RREB1: variants seen among roughly 807,000 people sequenced by gnomAD.
The protein encoded by RREB1 is ras-responsive element-binding protein 1.
RREB1 carries 27 observed loss-of-function variants against 117.8 expected under a neutral mutation model. The ratio of observed to expected loss-of-function variants is 0.23; its 90% CI spans 0.17 to 0.32. The LOEUF (loss-of-function observed/expected upper bound fraction) is 0.32, where lower values mean the gene tolerates loss of function less well. Ranked by LOEUF, RREB1 falls within the 10% of genes least tolerant of loss-of-function variation. RREB1 has a pLI of 1.00. For missense variants in RREB1, 2,577 were observed against 2,378.2 expected (o/e 1.08, Z -1.74); for synonymous variants, 1,298 against 1,026.7 (o/e 1.26, Z -5.05).
intron 6 of RREB1, among the ~76,000 whole-genome samples, chr6:7,206,994 G>A (rs1561780747): frequency 6.6e-6 from 1 of 152,206 alleles, no homozygotes; most frequent in Non-Finnish European, 1.5e-5. Flanking sequence ...GACTGTCAGA[G>A]GAATTTAAGC....
intron 1 of RREB1, among the ~76,000 whole-genome samples, chr6:7,120,502 T>C (rs113631164): frequency 8.2e-4 from 125 of 152,296 alleles, no homozygotes; most frequent in African/African-American, 2.7e-3. Flanking sequence ...ACAGTACTTA[T>C]GTAACAGTGA....
chr6:7,177,923 A>G (rs1365890252), intron 2 of RREB1, among the ~76,000 whole-genome samples: 1 of 152,102 alleles, frequency 6.6e-6, no homozygotes, highest in African/African-American at 2.4e-5. Flanking sequence ...GGGTTTTGCC[A>G]TGTTAGCCAG....
chr6:7,110,479 G>GGGGTGTGTGTGTGT (rs1554114031), intron 1 of RREB1, among the ~76,000 whole-genome samples: 4 of 149,520 alleles, frequency 2.7e-5, no homozygotes, highest in Non-Finnish European at 5.9e-5. Context: ...TTTTAGGGGT[G>GGGGTGTGTGTGTGT]GTGTGTGTGT....
intron 1 of RREB1, among the ~76,000 whole-genome samples, chr6:7,153,808 G>T (rs1000400115): frequency 1.3e-5 from 2 of 152,214 alleles, no homozygotes; most frequent in African/African-American, 4.8e-5. Context: ...TTGCTTGTTG[G>T]TGTAGAATCC....
chr6:7,113,067 T>G (rs1003164317), intron 1 of RREB1, among the ~76,000 whole-genome samples: 6 of 151,724 alleles, frequency 4.0e-5, no homozygotes, highest in African/African-American at 1.5e-4. Context: ...TGGGAGAGGG[T>G]GGAGATTGTT....
intron 9 of RREB1, among the ~76,000 whole-genome samples, chr6:7,227,375 C>A (rs1470744166): frequency 6.7e-6 from 1 of 150,038 alleles, no homozygotes; most frequent in East Asian, 2.0e-4. Flanking sequence ...ACCCTGTCTA[C>A]ACTAAAAATA....
chr6:7,200,216 GTGTA>G (rs1765879020), intron 6 of RREB1, among the ~76,000 whole-genome samples: 1 of 148,322 alleles, frequency 6.7e-6, no homozygotes, highest in African/African-American at 2.5e-5. Context: ...ATGTATGTGT[GTGTA>G]TATATATATA....
chr6:7,230,106 G>A lies in RREB1; in HGVS notation c.2007G>A (p.Ser669=), dbSNP rs748443845. ...ACGTGCGCTCCCACCTGGGCATCTC[G>A]CCATACCAGTGCAACATCTGCGACT... is the stretch of plus-strand genomic sequence containing the variant. The part of the protein sequence containing the change: ...RAHVRSHLGI[S]PYQCNICDYI... Residue 669 remains serine, a synonymous_variant, in exon 10 of 13, where the codon TCG becomes TCA. Coordinates refer to ENST00000379938, the MANE Select transcript of RREB1 (RefSeq NM_001003699.4). The A allele has an allele frequency of 6.2e-7, 1 of 1,604,408 alleles. No homozygotes were observed. The highest frequency in any genetic ancestry group is 1.3e-5 in the African/African-American group (1 of 74,930).
chr6:7,207,930 C>T (rs1409131157), intron 6 of RREB1, among the ~76,000 whole-genome samples: 1 of 152,094 alleles, frequency 6.6e-6, no homozygotes, highest in Admixed American at 6.5e-5. Flanking sequence ...TTAGAACAGC[C>T]AGTGAAAATG....
At chr6:7,146,262 C>T (rs524056) in intron 1 of RREB1, among the ~76,000 whole-genome samples, 227 of 152,266 alleles carry the variant, frequency 1.5e-3, no homozygotes, top group African/African-American at 5.1e-3. Context: ...CTGTGGCCCG[C>T]TTACCATGCC....
intron 1 of RREB1, among the ~76,000 whole-genome samples, chr6:7,108,333 C>T (rs1173754147): frequency 6.6e-5 from 10 of 151,684 alleles, no homozygotes; most frequent in African/African-American, 1.2e-4. Flanking sequence ...TCCTCCTCCT[C>T]CTCCTCCCCT....
At chr6:7,206,689 T>C (rs1018424820) in intron 6 of RREB1, among the ~76,000 whole-genome samples, 1 of 152,096 alleles carries the variant, frequency 6.6e-6, no homozygotes, top group Non-Finnish European at 1.5e-5. Flanking sequence ...GAATTGTGGG[T>C]GTAAGAGCAT....
chr6:7,229,113 T>A lies in RREB1; in HGVS notation c.1014T>A (p.His338Gln), dbSNP rs2714315. 6.2e-7 allele frequency: 1 copy of A among 1,606,860 alleles called. No homozygotes were observed. Among genetic ancestry groups the A allele is most frequent in the South Asian group, 1.1e-5 (1 of 90,832 alleles). The change falls in exon 10 of 13, where the codon CAT (histidine) becomes CAA (glutamine). Residue 338 changes from histidine to glutamine, a missense_variant. Coordinates refer to ENST00000379938, the MANE Select transcript of RREB1 (RefSeq NM_001003699.4). The surrounding 1 kb of genome is among the most constrained non-coding windows in gnomAD (Gnocchi z 4.5). The stretch of plus-strand genomic sequence containing the variant: ...CACTGGCTCTGCACAAGCAGACCCA[T>A]GTGGCGGCAGACCAGGGTCAAGAAA... ...LCSLALHKQT[H>Q]VAADQGQEKP...
intron 10 of RREB1, among the ~76,000 whole-genome samples, chr6:7,233,175 C>T (rs568596664): frequency 7.9e-5 from 12 of 152,292 alleles, no homozygotes; most frequent in African/African-American, 1.4e-4. Context: ...GGATTACAGG[C>T]GTGAGTCACT....
rs929538305 is a variant in RREB1, at chr6:7,155,305, T to TTTTG, written c.-284-21336_-284-21333dup. On this transcript the variant is annotated intron_variant, in intron 1 of 12. Transcript: ENST00000379938. ...CTTTATGAGCTGGACTTCAGTTTTG[T>TTTTG]TTTGTTTGTTTGTTTGTCTGAGACA... Among the ~76,000 whole-genome samples, 190 of 152,288 alleles carry TTTTG rather than the reference T, an allele frequency of 1.2e-3. 1 individual carries two copies. The highest frequency in any genetic ancestry group is 4.2e-3 in the African/African-American group (175 of 41,560).
chr6:7,167,172 C>A (rs774793745), intron 1 of RREB1, among the ~76,000 whole-genome samples: 1 of 152,132 alleles, frequency 6.6e-6, no homozygotes, highest in East Asian at 1.9e-4. Context: ...ATTAACCAAA[C>A]GTGAAGCTGA....
chr6:7,109,102 G>T (rs1039284599), intron 1 of RREB1, among the ~76,000 whole-genome samples: 1 of 151,732 alleles, frequency 6.6e-6, no homozygotes, highest in Non-Finnish European at 1.5e-5. Flanking sequence ...CGGCCGCCGG[G>T]GCCCGCTCCG....
At chr6:7,233,485 G>C (rs1217356691) in intron 10 of RREB1, among the ~76,000 whole-genome samples, 2 of 152,162 alleles carry the variant, frequency 1.3e-5, no homozygotes, top group African/African-American at 4.8e-5. Context: ...TACTGGATTG[G>C]TGAATAAAAT....
chr6:7,235,966 GCA>G (rs2113143959), intron 10 of RREB1, among the ~76,000 whole-genome samples: 1 of 152,126 alleles, frequency 6.6e-6, no homozygotes, highest in East Asian at 1.9e-4. Context: ...ATACCCCCTG[GCA>G]CAGTCTCCAC....
Sources: allele counts gnomAD v4.1 joint callset (sites outside exome capture counted in the v4.1 genomes callset), GRCh38; gene constraint gnomAD v4.1.1; non-coding constraint Gnocchi (gnomAD v3.1); transcripts MANE v1.5; gene names NCBI Gene and HGNC (gene_info 2026-07-23, HGNC 2026-07-21).